The following LTBP1 variants were observed in gnomAD, a reference collection of about 807,000 sequenced individuals.
The protein encoded by LTBP1 is latent transforming growth factor beta binding protein 1, also known as latent-transforming growth factor beta-binding protein 1.
Under a neutral mutation model 207.6 loss-of-function variants are expected in LTBP1, and 129 were observed. The observed-to-expected ratio is 0.62, with a 90% CI of 0.54 to 0.72. The LOEUF (loss-of-function observed/expected upper bound fraction) is 0.72. LTBP1 is among the 30% of genes least tolerant of loss of function. The pLI is 0.00. For synonymous variants in LTBP1, 963 were observed against 833.7 expected, an observed-to-expected ratio of 1.16 and a Z score of -2.67; for missense variants, 2,281 against 2,217.2, an observed-to-expected ratio of 1.03 and a Z score of -0.58.
chr2:33,326,640 A>AATTT (rs10529829), intron 24 of LTBP1, among the ~76,000 whole-genome samples: 20,052 of 144,558 alleles, frequency 0.14, 1,950 homozygotes, highest in East Asian at 0.43. Flanking sequence ...TGAGGGATAT[A>AATTT]ATTTATTTAT....
intron 19 of LTBP1, among the ~76,000 whole-genome samples, chr2:33,290,131 C>T (rs2093744888): frequency 6.6e-6 from 1 of 152,092 alleles, no homozygotes; most frequent in South Asian, 2.1e-4. Flanking sequence ...ACAGAGGCAA[C>T]CTCACTTTAT....
chr2:33,123,729 C>G (rs1276178086), intron 4 of LTBP1, among the ~76,000 whole-genome samples: 1 of 152,198 alleles, frequency 6.6e-6, no homozygotes, highest in Non-Finnish European at 1.5e-5. Context: ...CCAGCAAAGA[C>G]ATGAGGTAAG....
rs58303103 is a variant in LTBP1 at position 33,149,228 on chromosome 2, C to CAAAAAAAAAAAAA, written c.1201+14283_1201+14295dup. ...AGACTCCGTCTCACTCACAAAAAAA[C>CAAAAAAAAAAAAA]AAAAAAAAAAAAAAAAAAAAAAAAA... On this transcript the variant is annotated intron_variant, in intron 5 of 33. Coordinates refer to ENST00000404816, the MANE Select transcript of LTBP1 (RefSeq NM_206943.4). Among the ~76,000 whole-genome samples, 36 of 82,766 alleles carry CAAAAAAAAAAAAA rather than the reference C, an allele frequency of 4.3e-4. 1 individual carries two copies. The highest frequency in any genetic ancestry group is 6.1e-4 in the African/African-American group (13 of 21,180). 54.3% of individuals were successfully genotyped at this position (82,766 alleles called of 152,430 possible).
At chr2:33,361,014 A>G (rs2094921690) in intron 27 of LTBP1, among the ~76,000 whole-genome samples, 1 of 152,220 alleles carries the variant, frequency 6.6e-6, no homozygotes. Flanking sequence ...CAGAAAGTTA[A>G]TTCAGTTTTA....
chr2:32,957,901 A>G (rs1678349229), intron 2 of LTBP1, among the ~76,000 whole-genome samples: 1 of 152,192 alleles, frequency 6.6e-6, no homozygotes, highest in Non-Finnish European at 1.5e-5. Context: ...TCCATTGGAT[A>G]CTGCAATTCT....
chr2:33,328,676 C>T (rs2094459201), intron 24 of LTBP1, among the ~76,000 whole-genome samples: 1 of 152,184 alleles, frequency 6.6e-6, no homozygotes, highest in Non-Finnish European at 1.5e-5. Flanking sequence ...CCTAGTTCTG[C>T]CCTTGACACA....
At position 33,189,285 on chromosome 2, in the gene LTBP1, T is replaced by C. The variant is rs555358957; in HGVS notation, c.1701+434T>C. 2.6e-4 allele frequency among the ~76,000 whole-genome samples: 39 copies of C among 152,328 alleles called. No homozygotes were observed. In the South Asian group the frequency reaches 8.1e-3, roughly 32 times the overall value. ...ATCTTGGCTCACTGCAACTTCCACC[T>C]CCCAGCTTCAAGTGATTCTCCTGCC... is the stretch of plus-strand genomic sequence containing the variant. On this transcript the variant is annotated intron_variant, in intron 7 of 33. Coordinates refer to ENST00000404816, the MANE Select transcript of LTBP1 (RefSeq NM_206943.4).
At chr2:33,341,536 A>C (rs1042483950) in intron 24 of LTBP1, among the ~76,000 whole-genome samples, 32 of 151,352 alleles carry the variant, frequency 2.1e-4, no homozygotes, top group Middle Eastern at 3.4e-3. Context: ...ATGGTGAAAC[A>C]CCGTCTCTAC....
chr2:33,378,222 T>TGTGTTTTG (rs751259400), intron 31 of LTBP1, among the ~76,000 whole-genome samples: 1 of 141,824 alleles, frequency 7.1e-6, no homozygotes, highest in Non-Finnish European at 1.5e-5. Context: ...TGTGTGTGTG[T>TGTGTTTTG]TTTGTTTGTT....
intron 24 of LTBP1, among the ~76,000 whole-genome samples, chr2:33,328,162 T>TAAATAAATAAAATAAAATA (rs61232623): frequency 6.9e-6 from 1 of 145,862 alleles, no homozygotes; most frequent in African/African-American, 2.8e-5. Flanking sequence ...AATAAATAAA[T>TAAATAAATAAAATAAAATA]AAATAAAATA....
intron 14 of LTBP1, 48 bp from the exon 15 acceptor site, chr2:33,263,246 C>T (rs1427946176): frequency 9.2e-7 from 1 of 1,086,034 alleles, no homozygotes; most frequent in South Asian, 1.3e-5. Context: ...GATCTCAATG[C>T]ACATAACGGG....
In LTBP1 at chr2:33,263,312, C is replaced by T. The variant is rs778162339; in HGVS notation, c.2537C>T (p.Ser846Leu). Residue 846 changes from serine to leucine, a missense_variant, in exon 15 of 34, where the codon TCA becomes TTA. Around this residue, in one of 3 missense-constraint regions of LTBP1, gnomAD observed 1,671 missense variants for 1,634.8 expected, o/e 1.02. Coordinates refer to ENST00000404816, the MANE Select transcript of LTBP1 (RefSeq NM_206943.4). ...CATATAGTAGTGATTGAAAAAACATCACCTCCTGTGCCTGTTGAAGTAGCT... is the reference window on the plus strand; with the variant it reads ...CATATAGTAGTGATTGAAAAAACATTACCTCCTGTGCCTGTTGAAGTAGCT... ...PQFPVVIEKT[S>L]PPVPVEVAPE... is the part of the protein sequence containing the mutation. 6 of 1,613,022 alleles carry T rather than the reference C, an allele frequency of 3.7e-6. No individual in the cohort carries two copies. The highest frequency in any genetic ancestry group is 5.1e-6 in the Non-Finnish European group (6 of 1,179,144).
chr2:33,014,456 C>T (rs1008464035), intron 2 of LTBP1, among the ~76,000 whole-genome samples: 2 of 152,154 alleles, frequency 1.3e-5, no homozygotes, highest in African/African-American at 4.8e-5. Flanking sequence ...CTGGGAATTA[C>T]TGTGAAGACA....
intron 7 of LTBP1, among the ~76,000 whole-genome samples, chr2:33,196,351 T>G (rs868072200): frequency 1.1e-4 from 16 of 152,174 alleles, no homozygotes; most frequent in African/African-American, 2.9e-4. Context: ...ATAAATAGAA[T>G]AGTATATTTT....
At chr2:33,316,847 T>G (rs571040411) in intron 24 of LTBP1, among the ~76,000 whole-genome samples, 11 of 152,204 alleles carry the variant, frequency 7.2e-5, no homozygotes, top group Non-Finnish European at 1.5e-4. Flanking sequence ...GCAGAATTCC[T>G]AAGCTCTAGA....
intron 7 of LTBP1, among the ~76,000 whole-genome samples, chr2:33,197,267 G>A (rs1303952276): frequency 6.6e-6 from 1 of 152,188 alleles, no homozygotes; most frequent in Admixed American, 6.5e-5. Context: ...TGAAGTAGTT[G>A]GCCGGTCCTA....
chr2:33,178,072 A>G (rs1319529247), intron 5 of LTBP1, among the ~76,000 whole-genome samples: 4 of 152,154 alleles, frequency 2.6e-5, no homozygotes, highest in African/African-American at 9.7e-5. Flanking sequence ...TCCCTCAGCC[A>G]CCTCATTTTT....
rs2092718069 is a variant in LTBP1 at position 33,252,710 on chromosome 2, C to T, written c.2033C>T (p.Pro678Leu). The stretch of plus-strand genomic sequence containing the variant: ...CCTGTGATCTCGGAAGAGAAAGGGC[C>T]CTGTTACCGACTTGTCAGTTCTGGA... ...DPPVISEEKG[P>L]CYRLVSSGRQ... Residue 678 changes from proline (P) to leucine (L), a missense_variant, in exon 11 of 34, where the codon CCC becomes CTC. Pro to Leu is a moderately conservative substitution (Grantham distance 98). This residue lies in a region of LTBP1 where 1,671 missense variants were observed against 1,634.8 expected (regional missense o/e 1.02). Coordinates refer to ENST00000404816, the MANE Select transcript of LTBP1 (RefSeq NM_206943.4). 6.2e-7 allele frequency: 1 copy of T among 1,613,176 alleles called. No individual in the cohort carries two copies. The highest frequency in any genetic ancestry group is 8.5e-7 in the Non-Finnish European group (1 of 1,179,334).
intron 19 of LTBP1, among the ~76,000 whole-genome samples, chr2:33,291,117 G>A (rs2093766205): frequency 6.6e-6 from 1 of 152,160 alleles, no homozygotes; most frequent in Non-Finnish European, 1.5e-5. Context: ...CTGGTTCCAT[G>A]CAATTATGTC....
Sources: allele counts gnomAD v4.1 joint callset (sites outside exome capture counted in the v4.1 genomes callset), GRCh38; gene constraint gnomAD v4.1.1; regional missense constraint gnomAD v4.1.1; transcripts MANE v1.5; gene names NCBI Gene and HGNC (gene_info 2026-07-23, HGNC 2026-07-21).